The following NOL4 variants were observed in gnomAD, a reference collection of about 807,000 sequenced individuals.
NOL4 encodes the protein cancer/testis antigen 125.
Under a neutral mutation model 75.9 loss-of-function variants are expected in NOL4, and 17 were observed. The ratio of observed to expected loss-of-function variants is 0.22; its 90% CI spans 0.15 to 0.34. NOL4 has a LOEUF of 0.34. Ranked by LOEUF, NOL4 falls within the 10% of genes least tolerant of loss-of-function variation. The pLI, the probability that NOL4 is intolerant of heterozygous loss-of-function variation, is 1.00. For missense variants in NOL4, 614 were observed against 793.5 expected, an observed-to-expected ratio of 0.77 and a Z score of 2.72; for synonymous variants, 292 against 289.9, an observed-to-expected ratio of 1.01 and a Z score of -0.07.
intron 1 of NOL4, among the ~76,000 whole-genome samples, chr18:34,214,325 T>C (rs2036726755): frequency 1.3e-5 from 2 of 152,136 alleles, no homozygotes; most frequent in African/African-American, 4.8e-5. Context: ...TTATAATGGG[T>C]TAAGTATTGG....
chr18:34,180,495 G>T (rs560968236), intron 1 of NOL4, among the ~76,000 whole-genome samples: 2 of 151,600 alleles, frequency 1.3e-5, no homozygotes, highest in Admixed American at 6.6e-5. Flanking sequence ...ACCTGATTAA[G>T]GGGATCTACA....
rs1181046608 is a variant in NOL4 at position 34,222,263 on chromosome 18, T to C, written c.264+727A>G. 11 of 1,377,358 alleles carry C rather than the reference T, an allele frequency of 8.0e-6. No individual in the cohort carries two copies. In the East Asian group the frequency reaches 2.9e-4, roughly 36 times the overall value. 85.3% of individuals were successfully genotyped at this position (1,377,358 alleles called of 1,614,324 possible). ...AGGAACAAATACACACACCATTCGA[T>C]AGCGCCTAAACCCATCTTTCTTTGT... On this transcript the variant is annotated intron_variant, in intron 1 of 10. Coordinates refer to ENST00000261592, the MANE Select transcript of NOL4 (RefSeq NM_003787.5).
intron 9 of NOL4, among the ~76,000 whole-genome samples, chr18:33,940,600 T>C (rs935591452): frequency 1.3e-5 from 2 of 152,012 alleles, no homozygotes; most frequent in East Asian, 3.9e-4. Context: ...CTAATGTAGA[T>C]GATGGGTTGA....
In NOL4 at chr18:34,223,528, A is replaced by G. The variant is rs2037461680; in HGVS notation, c.-275T>C. The G allele has an allele frequency of 1.9e-6, 1 of 539,600 alleles. No homozygotes were observed. Among genetic ancestry groups the G allele is most frequent in the Non-Finnish European group, 3.3e-6 (1 of 303,416 alleles). The allele number at this position is 539,600 out of a possible 1,614,324, so 33.4% of individuals were successfully genotyped here. A position where few individuals can be genotyped will look rare whatever the true frequency, so the allele number is the denominator to read the frequency against. ...TGTTCCCTTAGCGGTCGGTCTCTTTAATATTTTGTGACCAGGACCATCCCA... is the reference window on the plus strand; with the variant it reads ...TGTTCCCTTAGCGGTCGGTCTCTTTGATATTTTGTGACCAGGACCATCCCA... On this transcript the variant is annotated 5_prime_UTR_variant, in exon 1 of 11. An upstream open reading frame in the 5' UTR loses its in-frame stop. Transcript: ENST00000261592.
At chr18:33,903,369 G>C (rs1374699590) in intron 9 of NOL4, among the ~76,000 whole-genome samples, 1 of 152,068 alleles carries the variant, frequency 6.6e-6, no homozygotes, top group African/African-American at 2.4e-5. Flanking sequence ...TTGACATATG[G>C]GGATTACAAT....
intron 6 of NOL4, among the ~76,000 whole-genome samples, chr18:34,012,251 TA>T (rs745855937): frequency 4.6e-5 from 7 of 151,986 alleles, no homozygotes; most frequent in Non-Finnish European, 8.8e-5. Flanking sequence ...TTTAAAGTTG[TA>T]TTATTCTATA....
At chr18:34,213,946 T>G (rs2036692988) in intron 1 of NOL4, among the ~76,000 whole-genome samples, 1 of 152,218 alleles carries the variant, frequency 6.6e-6, no homozygotes. Context: ...AGGTCCATAT[T>G]TAAATAAGTA....
chr18:34,009,150 C>T (rs2074229569), intron 6 of NOL4, among the ~76,000 whole-genome samples: 2 of 151,310 alleles, frequency 1.3e-5, no homozygotes, highest in African/African-American at 4.9e-5. Flanking sequence ...CCAATGGGGT[C>T]AGGAAAGATA....
intron 9 of NOL4, among the ~76,000 whole-genome samples, chr18:33,900,044 A>C (rs1448841773): frequency 3.9e-5 from 6 of 152,128 alleles, no homozygotes; most frequent in African/African-American, 9.7e-5. Flanking sequence ...ACTCTTTATT[A>C]GTCCATTTTG....
At chr18:33,899,683 G>A (rs1447926150) in intron 9 of NOL4, among the ~76,000 whole-genome samples, 4 of 152,144 alleles carry the variant, frequency 2.6e-5, no homozygotes, top group African/African-American at 4.8e-5. Context: ...AGGACAAGTT[G>A]CTCTGGTGTT....
chr18:34,033,634 A>C (rs981339644), intron 5 of NOL4, among the ~76,000 whole-genome samples: 8 of 152,142 alleles, frequency 5.3e-5, no homozygotes, highest in African/African-American at 1.9e-4. Flanking sequence ...CTTATTAAAT[A>C]GATAATAAAT....
chr18:33,864,363 G>C (rs1237172720), intron 10 of NOL4, among the ~76,000 whole-genome samples: 1 of 152,214 alleles, frequency 6.6e-6, no homozygotes, highest in Non-Finnish European at 1.5e-5. Flanking sequence ...TGAAACATAA[G>C]TTCTAATTTC....
chr18:33,906,208 G>A (rs758285515), intron 9 of NOL4, among the ~76,000 whole-genome samples: 4 of 152,172 alleles, frequency 2.6e-5, no homozygotes, highest in African/African-American at 9.7e-5. Flanking sequence ...ATTTGTCGGA[G>A]AGTCATGACC....
chr18:33,942,440 C>T (rs1012850236), intron 9 of NOL4, among the ~76,000 whole-genome samples: 2 of 151,594 alleles, frequency 1.3e-5, no homozygotes, highest in African/African-American at 4.8e-5. Context: ...AGGGAAACAC[C>T]AGTGAGCAAA....
intron 10 of NOL4, among the ~76,000 whole-genome samples, chr18:33,872,957 T>G (rs1484613796): frequency 6.6e-6 from 1 of 151,972 alleles, no homozygotes; most frequent in African/African-American, 2.4e-5. Context: ...ATATAACACA[T>G]TGTTTCTTTT....
chr18:34,187,055 T>TA (rs2034515851), intron 1 of NOL4, among the ~76,000 whole-genome samples: 2 of 152,294 alleles, frequency 1.3e-5, no homozygotes, highest in South Asian at 4.1e-4. Context: ...AGAGTGGACT[T>TA]ATAGTTTACA....
intron 6 of NOL4, among the ~76,000 whole-genome samples, chr18:33,968,420 G>A (rs2070778575): frequency 6.6e-6 from 1 of 152,128 alleles, no homozygotes; most frequent in Non-Finnish European, 1.5e-5. Flanking sequence ...AGAAAACATG[G>A]TACATATACA....
intron 9 of NOL4, among the ~76,000 whole-genome samples, chr18:33,920,157 G>A (rs565214693): frequency 3.9e-5 from 6 of 151,994 alleles, no homozygotes; most frequent in Non-Finnish European, 7.4e-5. Context: ...TAGTATGTAT[G>A]AGGGACATAG....
At chr18:34,221,604 T>TAAA (rs11388127) in intron 1 of NOL4, 75 of 139,340 alleles carry the variant, frequency 5.4e-4, no homozygotes, top group Admixed American at 1.9e-3. Context: ...AGTACATTGT[T>TAAA]AAAAAAAAAA....
Sources: gnomAD v4.1 joint callset for allele counts (sites outside exome capture counted in the v4.1 genomes callset) on GRCh38, gnomAD v4.1.1 for gene constraint, MANE v1.5 for transcripts, NCBI Gene and HGNC (gene_info 2026-07-23, HGNC 2026-07-21) for gene names.